The following ATP8B1 variants were observed in gnomAD, a reference collection of about 807,000 sequenced individuals.
ATP8B1 encodes ATPase phospholipid transporting 8B1.
In ATP8B1, 80 loss-of-function variants were observed where a neutral mutation model predicts 149.9. The observed-to-expected ratio is 0.53, with a 90% CI of 0.45 to 0.64. The LOEUF is 0.64. ATP8B1 is among the 30% of genes least tolerant of loss of function. The pLI, the probability that ATP8B1 is intolerant of heterozygous loss-of-function variation, is 0.00. For synonymous variants in ATP8B1, 536 were observed against 562.8 expected (o/e 0.95, Z 0.67); for missense variants, 1,247 against 1,552.6 (o/e 0.80, Z 3.31).
intron 9 of ATP8B1, 45 bp from the exon 10 acceptor site, chr18:57,695,374 C>G: frequency 6.3e-7 from 1 of 1,591,890 alleles, no homozygotes; most frequent in Non-Finnish European, 8.6e-7. Flanking sequence ...ATACAAAAGT[C>G]TTTCTGGTTT....
intron 2 of ATP8B1, among the ~76,000 whole-genome samples, chr18:57,707,307 CAGAAA>C (rs759825215): frequency 3.6e-4 from 55 of 152,056 alleles, no homozygotes; most frequent in African/African-American, 1.3e-3. Flanking sequence ...AAAAAACAAA[CAGAAA>C]AGAAAAGAAA....
intron 1 of ATP8B1, among the ~76,000 whole-genome samples, chr18:57,735,905 T>C (rs431407): frequency 0.98 from 147,622 of 151,122 alleles, 72,196 homozygotes; most frequent in East Asian, 1. Context: ...CCCATCAACC[T>C]GTCATCTAGG....
At chr18:57,791,947 G>A (rs942089427) in intron 1 of ATP8B1, among the ~76,000 whole-genome samples, 4 of 152,156 alleles carry the variant, frequency 2.6e-5, no homozygotes, top group African/African-American at 7.2e-5. Flanking sequence ...GCTCCTCACT[G>A]TGTTTACTGC....
At chr18:57,761,944 TAAAA>T (rs71171087) in intron 1 of ATP8B1, among the ~76,000 whole-genome samples, 89 of 98,186 alleles carry the variant, frequency 9.1e-4, no homozygotes, top group Middle Eastern at 6.7e-3. Context: ...GCAAGACTGT[TAAAA>T]AAAAAAAAAA....
In ATP8B1 at chr18:57,695,352, ATAAT is replaced by A. The variant is rs551986067; in HGVS notation, c.782-27_782-24del. 1,173 of 1,592,472 alleles carry A rather than the reference ATAAT, an allele frequency of 7.4e-4. 22 individuals are homozygous for A. In the South Asian group the frequency reaches 0.012, roughly 16 times the overall value. ...AACCTTTTAAAAATATAAGATTCACATAATTAATCACATACAAAAGTCTTTCTGG... is the reference window on the plus strand; with the variant it reads ...AACCTTTTAAAAATATAAGATTCACATAATCACATACAAAAGTCTTTCTGG... On this transcript the variant is annotated intron_variant, in intron 9 of 27. Coordinates refer to ENST00000648908, the MANE Select transcript of ATP8B1 (RefSeq NM_001374385.1).
At chr18:57,693,383 G>T (rs571231942) in intron 11 of ATP8B1, among the ~76,000 whole-genome samples, 4 of 152,262 alleles carry the variant, frequency 2.6e-5, no homozygotes, top group African/African-American at 9.6e-5. Context: ...ATGTTTGGAG[G>T]ATTTCCCAGT....
intron 8 of ATP8B1, among the ~76,000 whole-genome samples, chr18:57,696,436 C>T (rs1441448799): frequency 1.3e-5 from 2 of 151,886 alleles, no homozygotes; most frequent in East Asian, 1.9e-4. Context: ...AAAGAGAATG[C>T]AGTGTCTTTG....
chr18:57,695,216 C>T lies in ATP8B1; in HGVS notation c.895G>A (p.Val299Ile). ...TGGCAGAAATCGGTGTTCCTAATTA[C>T]ACAGCCACGTAACAAAATTTTATCA... is the stretch of plus-strand genomic sequence containing the variant. ...DADKILLRGC[V>I]IRNTDFCHGL... The change falls in exon 10 of 28, where the codon GTA becomes ATA. Residue 299 changes from valine (V) to isoleucine (I), a missense_variant. Val to Ile is a conservative substitution (Grantham distance 29, BLOSUM62 3). Coordinates refer to ENST00000648908, the MANE Select transcript of ATP8B1 (RefSeq NM_001374385.1). 1 of 1,614,136 alleles carries T rather than the reference C, an allele frequency of 6.2e-7. No individual in the cohort carries two copies. Among genetic ancestry groups the T allele is most frequent in the South Asian group, 1.1e-5 (1 of 91,078 alleles).
At position 57,785,308 on chromosome 18, in the gene ATP8B1, G is replaced by A. The variant is rs113359548; in HGVS notation, c.-26+17690C>T. Among the ~76,000 whole-genome samples, 279 of 152,272 alleles carry A rather than the reference G, an allele frequency of 1.8e-3. 1 individual carries two copies. The highest frequency in any genetic ancestry group is 6.3e-3 in the African/African-American group (261 of 41,562). Reference sequence around the variant, plus strand: ...ATTTCATAGCTCAGAGTTATGGGATGGTGTTTATTTCAAATAACATTTGTA... The same window carrying A: ...ATTTCATAGCTCAGAGTTATGGGATAGTGTTTATTTCAAATAACATTTGTA... On this transcript the variant is annotated intron_variant, in intron 1 of 27. Coordinates refer to ENST00000648908, the MANE Select transcript of ATP8B1 (RefSeq NM_001374385.1).
At chr18:57,789,290 A>G (rs2080438846) in intron 1 of ATP8B1, among the ~76,000 whole-genome samples, 1 of 152,138 alleles carries the variant, frequency 6.6e-6, no homozygotes, top group Admixed American at 6.6e-5. Flanking sequence ...CGATTTTCCA[A>G]CCTTCGGCTG....
rs148640179 is a variant in ATP8B1, at chr18:57,709,772, C to A, written c.182-3185G>T. 6.1e-3 allele frequency among the ~76,000 whole-genome samples: 921 copies of A among 151,862 alleles called. 5 individuals carry two copies. Among genetic ancestry groups the A allele is most frequent in the African/African-American group, 0.021 (855 of 41,376 alleles). Reference sequence around the variant, plus strand: ...TCAGCTCACTGCAGCCTCTGCCTCCCAGGTTCAAGCAGTTCTCCTATCTCA... The same window carrying A: ...TCAGCTCACTGCAGCCTCTGCCTCCAAGGTTCAAGCAGTTCTCCTATCTCA... On this transcript the variant is annotated intron_variant, in intron 2 of 27. Coordinates refer to ENST00000648908, the MANE Select transcript of ATP8B1 (RefSeq NM_001374385.1).
At chr18:57,800,786 G>T (rs2080566079) in intron 1 of ATP8B1, among the ~76,000 whole-genome samples, 1 of 152,156 alleles carries the variant, frequency 6.6e-6, no homozygotes, top group Non-Finnish European at 1.5e-5. Context: ...ATAAGGAAAA[G>T]AACTGAAATC....
At chr18:57,740,436 T>C (rs77278149) in intron 1 of ATP8B1, 7 of 152,170 alleles carry the variant, frequency 4.6e-5, no homozygotes, top group African/African-American at 1.7e-4. Flanking sequence ...TACGTGTTTC[T>C]TATTATATGT....
At position 57,668,537 on chromosome 18, in the gene ATP8B1, G is replaced by A. The variant is rs774729559; in HGVS notation, c.2101C>T (p.Leu701=). 9.9e-6 allele frequency: 9 copies of A among 907,192 alleles called. No homozygotes were observed. The Admixed American group carries it at 1.8e-4, about 18-fold the overall frequency. 56.2% of individuals were successfully genotyped at this position (907,192 alleles called of 1,614,324 possible). A position where few individuals can be genotyped will look rare whatever the true frequency, so the allele number is the denominator to read the frequency against. The change falls in exon 19 of 28, where the codon CTG becomes TTG. Residue 701 remains leucine (L), a synonymous_variant. Transcript: ENST00000648908. Reference sequence around the variant, plus strand: ...TTGTCTTCAATAGCTGTAGCTCCCAGGAGCTAGAATGTATATTAAAAAAAA... The same window carrying A: ...TTGTCTTCAATAGCTGTAGCTCCCAAGAGCTAGAATGTATATTAAAAAAAA... ...YEEIEKDLIL[L]GATAIEDKLQ...
chr18:57,682,605 G>T lies in ATP8B1; in HGVS notation c.1630+1431C>A, dbSNP rs549565929. Among the ~76,000 whole-genome samples, 9 of 152,266 alleles carry T rather than the reference G, an allele frequency of 5.9e-5. No individual in the cohort carries two copies. The South Asian group carries it at 1.0e-3, about 18-fold the overall frequency. ...ATATCATACTTTATGCTTATTGCCT[G>T]GGTAAAATTGGCTTGGTGAGTCAAA... On this transcript the variant is annotated intron_variant, in intron 15 of 27. Transcript: ENST00000648908.
At chr18:57,782,803 C>CTCTT (rs2080369139) in intron 1 of ATP8B1, among the ~76,000 whole-genome samples, 1 of 91,178 alleles carries the variant, frequency 1.1e-5, no homozygotes, top group Non-Finnish European at 1.9e-5. Context: ...TAGTTTGTCT[C>CTCTT]TTTTTTTTTT....
intron 24 of ATP8B1, among the ~76,000 whole-genome samples, chr18:57,653,477 G>C (rs1448500739): frequency 6.6e-6 from 1 of 151,316 alleles, no homozygotes; most frequent in Non-Finnish European, 1.5e-5. Flanking sequence ...GTAGAGATGG[G>C]GTCTCCCTAT....
At chr18:57,760,818 G>A (rs1294266605) in intron 1 of ATP8B1, among the ~76,000 whole-genome samples, 1 of 151,828 alleles carries the variant, frequency 6.6e-6, no homozygotes, top group Non-Finnish European at 1.5e-5. Flanking sequence ...GTGAAACCCC[G>A]TCTCTACTAA....
chr18:57,685,223 G>A, intron 13 of ATP8B1, 108 bp from the exon 14 acceptor site: 3 of 1,187,230 alleles, frequency 2.5e-6, no homozygotes, highest in Admixed American at 2.0e-5. Context: ...TATACGGCCT[G>A]GACAGGCTAA....
Sources: gnomAD v4.1 joint callset for allele counts (sites outside exome capture counted in the v4.1 genomes callset) on GRCh38, gnomAD v4.1.1 for gene constraint, MANE v1.5 for transcripts, NCBI Gene and HGNC (gene_info 2026-07-23, HGNC 2026-07-21) for gene names.